Variants in LRP2 observed in about 807,000 individuals in gnomAD.
LRP2 encodes LDL receptor related protein 2, also known as low-density lipoprotein receptor-related protein 2.
Under a neutral mutation model 531.0 loss-of-function variants are expected in LRP2, and 172 were observed. That is an observed-to-expected ratio of 0.32 (90% CI 0.29 to 0.37). LRP2 has a LOEUF of 0.37. LRP2 is among the 10% of genes least tolerant of loss of function. LRP2 has a pLI of 1.00. For missense variants in LRP2, 5,167 were observed against 5,868.3 expected, an observed-to-expected ratio of 0.88 and a Z score of 3.90; for synonymous variants, 1,992 against 2,027.6, an observed-to-expected ratio of 0.98 and a Z score of 0.47.
chr2:169,216,360 CA>C lies in LRP2; in HGVS notation c.5718del (p.Asp1906GlufsTer5), dbSNP rs1285175416. The C allele has an allele frequency of 1.9e-6, 3 of 1,613,560 alleles. No homozygotes were observed. The highest frequency in any genetic ancestry group is 2.5e-6 in the Non-Finnish European group (3 of 1,179,722). On this transcript the variant is annotated frameshift_variant, in exon 35 of 79. Transcript: ENST00000649046. LOFTEE classifies it high-confidence loss of function. ...VPAKIASANM[D>X]GTSVKTLFTG... ...GTAAAGAGAGTTTTCACAGATGTGC[CA>C]TCCATGTTAGCACTGGCGATCTTGG...
rs548135710 is a variant in LRP2, at chr2:169,232,334, G to A, written c.5099-492C>T. ...ATATCTCTGTGTGTCTCTGCACCTT[G>A]AAAATCAGGATTCTGTGTGGTCCCC... On this transcript the variant is annotated intron_variant, in intron 30 of 78. Coordinates refer to ENST00000649046, the MANE Select transcript of LRP2 (RefSeq NM_004525.3). 3.9e-5 allele frequency among the ~76,000 whole-genome samples: 6 copies of A among 152,112 alleles called. No individual in the cohort carries two copies. In the South Asian group the frequency reaches 1.0e-3, roughly 26 times the overall value.
rs776436446 is a variant in LRP2, at chr2:169,292,233, G to A, written c.769+20C>T. The A allele has an allele frequency of 2.0e-6, 3 of 1,505,804 alleles. No individual in the cohort carries two copies. The highest frequency in any genetic ancestry group is 2.8e-6 in the Non-Finnish European group (3 of 1,081,256). 93.3% of individuals were successfully genotyped at this position (1,505,804 alleles called of 1,614,324 possible). ...ACTTGAAGAAAATGCTTTTCAGTAG[G>A]AATCTCTTCCCCTCCTTACCACATC... On this transcript the variant is annotated intron_variant, in intron 7 of 78. Coordinates refer to ENST00000649046, the MANE Select transcript of LRP2 (RefSeq NM_004525.3).
intron 17 of LRP2, among the ~76,000 whole-genome samples, chr2:169,257,840 CA>C (rs796959700): frequency 5.1e-5 from 7 of 138,522 alleles, no homozygotes; most frequent in South Asian, 4.6e-4. Flanking sequence ...AAAAAAAACA[CA>C]AAAAAAACAA....
chr2:169,164,772 A>G, intron 62 of LRP2, among the ~76,000 whole-genome samples: 1 of 152,194 alleles, frequency 6.6e-6, no homozygotes, highest in East Asian at 1.9e-4. Flanking sequence ...CTCCCAGACT[A>G]AAACCCTGTT....
chr2:169,288,960 A>G (rs983695335), intron 9 of LRP2, 66 bp downstream of exon 9: 4 of 1,607,886 alleles, frequency 2.5e-6, no homozygotes, highest in Middle Eastern at 1.9e-4. Context: ...CCTAGATGTC[A>G]GAGATCAGGG....
chr2:169,245,862 T>C (rs1015517903), intron 21 of LRP2, among the ~76,000 whole-genome samples: 2 of 152,184 alleles, frequency 1.3e-5, no homozygotes, highest in African/African-American at 4.8e-5. Flanking sequence ...GTTTTTGTTG[T>C]TGTTGTTGTT....
intron 25 of LRP2, 79 bp downstream of exon 25, chr2:169,240,909 G>T: frequency 1.9e-6 from 3 of 1,545,246 alleles, no homozygotes; most frequent in Non-Finnish European, 2.7e-6. Flanking sequence ...GCTACACAGT[G>T]ACTGTGACAA....
intron 5 of LRP2, 77 bp from the exon 6 acceptor site, chr2:169,294,338 C>T: frequency 1.1e-6 from 1 of 911,930 alleles, no homozygotes. Context: ...AAAGGAAGAG[C>T]ATCTCCAGTT....
chr2:169,257,819 CA>C (rs1194620011), intron 17 of LRP2, among the ~76,000 whole-genome samples: 62 of 90,838 alleles, frequency 6.8e-4, no homozygotes, highest in African/African-American at 2.9e-3. Flanking sequence ...CAAAAAAAAA[CA>C]AAAACAAAAA....
intron 1 of LRP2, among the ~76,000 whole-genome samples, chr2:169,347,804 T>G (rs1685734831): frequency 6.6e-6 from 1 of 152,146 alleles, no homozygotes; most frequent in South Asian, 2.1e-4. Context: ...TAGAGCATGA[T>G]AAGGCTGCAA....
chr2:169,232,264 T>A (rs984812761), intron 30 of LRP2, among the ~76,000 whole-genome samples: 1 of 152,154 alleles, frequency 6.6e-6, no homozygotes, highest in Non-Finnish European at 1.5e-5. Flanking sequence ...ACCTAGAGTT[T>A]TCCAGATTTT....
chr2:169,137,539 G>T (rs760296902), intron 75 of LRP2, 46 bp from the exon 76 acceptor site: 3 of 1,194,620 alleles, frequency 2.5e-6, no homozygotes, highest in Non-Finnish European at 1.2e-6. Context: ...GAGAGAAACA[G>T]AGAGAGAGAT....
chr2:169,257,814 A>C (rs1420688364), intron 17 of LRP2, among the ~76,000 whole-genome samples: 11 of 120,030 alleles, frequency 9.2e-5, no homozygotes, highest in African/African-American at 2.4e-4. Flanking sequence ...AGAGGCAAAA[A>C]AAAACAAAAA....
Position 169,175,492 on chromosome 2 carries a change from C to T in LRP2, c.10572-103G>A. 2.9e-6 allele frequency: 3 copies of T among 1,042,904 alleles called. No homozygotes were observed. The South Asian group carries it at 3.9e-5, about 14-fold the overall frequency. 64.6% of individuals were successfully genotyped at this position (1,042,904 alleles called of 1,614,324 possible). A position where few individuals can be genotyped will look rare whatever the true frequency, so the allele number is the denominator to read the frequency against. On this transcript the variant is annotated intron_variant, in intron 54 of 78. Coordinates refer to ENST00000649046, the MANE Select transcript of LRP2 (RefSeq NM_004525.3). ...AATTCCAAGAAATGACATGCATGAG[C>T]TCTCTCGTGGCCCTAGAAGAGGATC...
chr2:169,184,936 A>G (rs1298373826), intron 50 of LRP2, among the ~76,000 whole-genome samples: 1 of 151,124 alleles, frequency 6.6e-6, no homozygotes, highest in Non-Finnish European at 1.5e-5. Context: ...AATTTTTTTC[A>G]TTTTCCTTAG....
chr2:169,331,161 TA>T (rs946129831), intron 1 of LRP2, among the ~76,000 whole-genome samples: 1 of 152,200 alleles, frequency 6.6e-6, no homozygotes, highest in African/African-American at 2.4e-5. Flanking sequence ...ATCATTAATG[TA>T]AAGGATTGTG....
chr2:169,272,752 A>G (rs776328028), intron 15 of LRP2, among the ~76,000 whole-genome samples, 175 bp downstream of exon 15: 5 of 152,210 alleles, frequency 3.3e-5, no homozygotes, highest in Admixed American at 2.6e-4. Context: ...TTCTGTGTAT[A>G]GTAGAAGTGG....
chr2:169,324,549 C>T (rs901398604), intron 1 of LRP2, among the ~76,000 whole-genome samples: 1 of 150,356 alleles, frequency 6.7e-6, no homozygotes, highest in Non-Finnish European at 1.5e-5. Context: ...AAAATTTAAG[C>T]GTTTTGAAAT....
chr2:169,349,459 G>A (rs1444904624), intron 1 of LRP2, among the ~76,000 whole-genome samples: 1 of 152,200 alleles, frequency 6.6e-6, no homozygotes. Flanking sequence ...TCAGGGAGGT[G>A]ATGTGAAGGC....
Sources: allele counts gnomAD v4.1 joint callset (sites outside exome capture counted in the v4.1 genomes callset), GRCh38; gene constraint gnomAD v4.1.1; transcripts MANE v1.5; gene names NCBI Gene and HGNC (gene_info 2026-07-23, HGNC 2026-07-21).